The following CCSER1 variants were observed in gnomAD, a reference collection of about 807,000 sequenced individuals.
CCSER1 encodes serine-rich coiled-coil domain-containing protein 1.
Under a neutral mutation model 82.0 loss-of-function variants are expected in CCSER1, and 41 were observed. The observed-to-expected ratio is 0.50, with a 90% confidence interval of 0.39 to 0.65. The LOEUF is 0.65. Among genes scored for constraint, CCSER1 ranks in the 30% least tolerant of loss-of-function variants. CCSER1 has a pLI of 0.00. For synonymous variants in CCSER1, 414 were observed against 383.9 expected, an observed-to-expected ratio of 1.08 and a Z score of -0.92; for missense variants, 1,119 against 1,064.2, an observed-to-expected ratio of 1.05 and a Z score of -0.72.
intron 9 of CCSER1, among the ~76,000 whole-genome samples, chr4:90,934,049 T>A (rs143961917): frequency 1.3e-5 from 2 of 151,974 alleles, no homozygotes; most frequent in African/African-American, 2.4e-5. Context: ...AACCTGAACA[T>A]ACACTTTCAT....
intron 6 of CCSER1, among the ~76,000 whole-genome samples, chr4:90,695,194 T>C (rs1736794018): frequency 6.6e-6 from 1 of 151,626 alleles, no homozygotes; most frequent in Non-Finnish European, 1.5e-5. Flanking sequence ...ACACAGTGCT[T>C]TGAATAAAAG....
intron 5 of CCSER1, among the ~76,000 whole-genome samples, chr4:90,600,746 C>T (rs140992667): frequency 6.6e-6 from 1 of 151,584 alleles, no homozygotes; most frequent in Non-Finnish European, 1.5e-5. Flanking sequence ...TGATCAATGT[C>T]TCTCAAAAAT....
chr4:91,048,328 C>T (rs1278036749), intron 9 of CCSER1, among the ~76,000 whole-genome samples: 1 of 151,656 alleles, frequency 6.6e-6, no homozygotes, highest in African/African-American at 2.4e-5. Flanking sequence ...ATTTCCTTCC[C>T]TTCATTTTTT....
chr4:91,318,357 C>A (rs762404045), intron 10 of CCSER1, among the ~76,000 whole-genome samples: 1 of 151,858 alleles, frequency 6.6e-6, no homozygotes, highest in Non-Finnish European at 1.5e-5. Context: ...TTTCCATTAA[C>A]AATTATTCAG....
At chr4:90,266,550 C>G (rs11938585) in intron 1 of CCSER1, among the ~76,000 whole-genome samples, 7,362 of 151,952 alleles carry the variant, frequency 0.048, 472 homozygotes, top group African/African-American at 0.15. Flanking sequence ...CTTTATATTG[C>G]TAAAAGAGGC....
intron 3 of CCSER1, among the ~76,000 whole-genome samples, chr4:90,329,381 A>C (rs956645040): frequency 2.6e-5 from 4 of 152,220 alleles, no homozygotes; most frequent in Non-Finnish European, 1.5e-5. Flanking sequence ...ATACAAGTGA[A>C]TATGACAGTT....
intron 10 of CCSER1, among the ~76,000 whole-genome samples, chr4:91,437,646 C>T (rs556827097): frequency 1.9e-4 from 29 of 152,154 alleles, no homozygotes; most frequent in South Asian, 4.1e-4. Flanking sequence ...GTGGGTGCAG[C>T]GCACCCTGCG....
chr4:90,399,645 A>G (rs1752526321), intron 3 of CCSER1, among the ~76,000 whole-genome samples: 1 of 152,084 alleles, frequency 6.6e-6, no homozygotes, highest in South Asian at 2.1e-4. Context: ...GCAGTGAGCA[A>G]ATTCCTTTTT....
chr4:90,306,192 C>T (rs536907640), intron 1 of CCSER1, among the ~76,000 whole-genome samples: 54 of 151,956 alleles, frequency 3.6e-4, no homozygotes, highest in African/African-American at 9.4e-4. Context: ...GCTGGGGTGT[C>T]GGGGCCAGGG....
At chr4:91,470,238 G>T (rs1475827958) in intron 10 of CCSER1, among the ~76,000 whole-genome samples, 1 of 152,164 alleles carries the variant, frequency 6.6e-6, no homozygotes, top group Non-Finnish European at 1.5e-5. Flanking sequence ...GTATTGTACA[G>T]ATTGTAGACA....
intron 10 of CCSER1, among the ~76,000 whole-genome samples, chr4:91,550,048 G>C (rs1324573097): frequency 6.6e-6 from 1 of 152,124 alleles, no homozygotes; most frequent in African/African-American, 2.4e-5. Flanking sequence ...AACATGGGAG[G>C]CTAGCACTGG....
At chr4:91,528,590 A>G (rs1017184606) in intron 10 of CCSER1, among the ~76,000 whole-genome samples, 1 of 152,222 alleles carries the variant, frequency 6.6e-6, no homozygotes. Context: ...TATATATTTT[A>G]CATTTCTATA....
At chr4:90,280,533 C>A (rs1728671265) in intron 1 of CCSER1, among the ~76,000 whole-genome samples, 2 of 151,786 alleles carry the variant, frequency 1.3e-5, no homozygotes, top group South Asian at 2.1e-4. Context: ...CAAATGGATC[C>A]CCAATAAATA....
At chr4:90,170,676 C>G (rs1282302356) in intron 1 of CCSER1, among the ~76,000 whole-genome samples, 2 of 151,780 alleles carry the variant, frequency 1.3e-5, no homozygotes, top group Non-Finnish European at 2.9e-5. Flanking sequence ...CTAGTTCCGT[C>G]CATGTTTTTG....
chr4:90,134,255 C>G (rs763670924), intron 1 of CCSER1, among the ~76,000 whole-genome samples: 2 of 152,154 alleles, frequency 1.3e-5, no homozygotes, highest in Non-Finnish European at 2.9e-5. Flanking sequence ...AACTCATAAA[C>G]AGAGAAACTC....
At chr4:91,103,101 C>T (rs1725244508) in intron 10 of CCSER1, among the ~76,000 whole-genome samples, 1 of 152,172 alleles carries the variant, frequency 6.6e-6, no homozygotes, top group African/African-American at 2.4e-5. Flanking sequence ...AAACACTGCT[C>T]TTCTCTGGAG....
intron 6 of CCSER1, among the ~76,000 whole-genome samples, chr4:90,701,022 C>T (rs1237348746): frequency 6.6e-6 from 1 of 152,048 alleles, no homozygotes; most frequent in East Asian, 1.9e-4. Context: ...CTTTTGTTGC[C>T]ATTGCTTTTG....
chr4:90,266,724 G>A (rs1459841476), intron 1 of CCSER1, among the ~76,000 whole-genome samples: 1 of 152,036 alleles, frequency 6.6e-6, no homozygotes, highest in East Asian at 1.9e-4. Flanking sequence ...CCCATGGAGG[G>A]AGCATTTAGA....
chr4:90,607,888 TGAAA>T (rs1400609455), intron 5 of CCSER1, among the ~76,000 whole-genome samples: 1 of 152,104 alleles, frequency 6.6e-6, no homozygotes, highest in Non-Finnish European at 1.5e-5. Flanking sequence ...AACCTGAATT[TGAAA>T]GAAAGACTCC....
Sources: allele counts gnomAD v4.1 joint callset (sites outside exome capture counted in the v4.1 genomes callset), GRCh38; gene constraint gnomAD v4.1.1; transcripts MANE v1.5; gene names NCBI Gene and HGNC (gene_info 2026-07-23, HGNC 2026-07-21).